The following HK3 variants were observed in gnomAD, a reference collection of about 807,000 sequenced individuals.
The protein encoded by HK3 is hexokinase 3.
In HK3, 93 loss-of-function variants were observed where a neutral mutation model predicts 91.0. That is an observed-to-expected ratio of 1.02 (90% CI 0.86 to 1.21). HK3 has a LOEUF of 1.21. HK3 is among the 50% of genes most tolerant of loss of function. The pLI, the probability that HK3 is intolerant of heterozygous loss-of-function variation, is 0.00. For synonymous variants in HK3, 519 were observed against 516.9 expected (o/e 1.00, Z -0.06); for missense variants, 1,235 against 1,247.4 (o/e 0.99, Z 0.15).
At position 176,881,682 on chromosome 5, in the gene HK3, C is replaced by T; in HGVS notation, c.2393+10G>A. On this transcript the variant is annotated intron_variant, in intron 17 of 18. Coordinates refer to ENST00000292432, the MANE Select transcript of HK3 (RefSeq NM_002115.3). ...CCTGAAGTGGGGGAGGCAATGTAGG[C>T]CTCAGGCACCTTTCGATCTCAGAGA... 1 of 1,613,948 alleles carries T rather than the reference C, an allele frequency of 6.2e-7. No homozygotes were observed. Among genetic ancestry groups the T allele is most frequent in the East Asian group, 2.2e-5 (1 of 44,880 alleles).
Position 176,888,772 on chromosome 5 carries a change from C to T in HK3, c.1007G>A (p.Cys336Tyr). The T allele has an allele frequency of 1.2e-6, 2 of 1,614,178 alleles. No homozygotes were observed. The highest frequency in any genetic ancestry group is 1.1e-5 in the South Asian group (1 of 91,084). ...TTGGCTCAGCAGGGCAGGGGAGGTGCAGCCACCAAAGAGGACCCCACACCG... is the reference window on the plus strand; with the variant it reads ...TTGGCTCAGCAGGGCAGGGGAGGTGTAGCCACCAAAGAGGACCCCACACCG... Reference protein sequence around the residue: ...LARCGVLFGGCTSPALLSQGS... With the variant: ...LARCGVLFGGYTSPALLSQGS... The change falls in exon 9 of 19, where the codon TGC becomes TAC. Residue 336 changes from cysteine to tyrosine, a missense_variant. Cys to Tyr is a radical substitution (Grantham distance 194, BLOSUM62 -2). Around this residue, in one of 3 missense-constraint regions of HK3, gnomAD observed 717 missense variants for 751.6 expected, o/e 0.95. Transcript: ENST00000292432.
Position 176,881,011 on chromosome 5 carries a change from G to A in HK3, c.*62C>T. ...GGTGGCTGGGCCTGGCTGGGAAACA[G>A]GCAGACCCCGACCCGGCTCCAGCAA... On this transcript the variant is annotated 3_prime_UTR_variant, in exon 19 of 19. Coordinates refer to ENST00000292432, the MANE Select transcript of HK3 (RefSeq NM_002115.3). 6.6e-7 allele frequency: 1 copy of A among 1,512,522 alleles called. No homozygotes were observed. The highest frequency in any genetic ancestry group is 2.3e-5 in the East Asian group (1 of 42,826). The allele number at this position is 1,512,522 out of a possible 1,614,324, so 93.7% of individuals were successfully genotyped here. A position where few individuals can be genotyped will look rare whatever the true frequency, so the allele number is the denominator to read the frequency against.
intron 2 of HK3, 140 bp from the exon 3 acceptor site, chr5:176,891,690 G>A (rs183903419): frequency 1.4e-4 from 113 of 816,042 alleles, no homozygotes; most frequent in African/African-American, 1.1e-3. Flanking sequence ...CCAACAGCCT[G>A]CACCCAGCTC....
In HK3 at chr5:176,881,062, T is replaced by C; in HGVS notation, c.*11A>G. ...GGCTGCGGCGGAGACCTCCTCAGCCTGGAGGTTTCCTCAGACACGAGTCAA... is the reference window on the plus strand; with the variant it reads ...GGCTGCGGCGGAGACCTCCTCAGCCCGGAGGTTTCCTCAGACACGAGTCAA... On this transcript the variant is annotated 3_prime_UTR_variant, in exon 19 of 19. Transcript: ENST00000292432. 6.3e-7 allele frequency: 1 copy of C among 1,591,982 alleles called. No individual in the cohort carries two copies.
intron 5 of HK3, 33 bp from the exon 6 acceptor site, chr5:176,890,763 CGGCCTTCATGG>C: frequency 6.2e-7 from 1 of 1,614,186 alleles, no homozygotes. Flanking sequence ...ACTCCTCTGA[CGGCCTTCATGG>C]GGCTGCAGCC....
Position 176,884,075 on chromosome 5 carries a change from G to A in HK3, c.1917C>T (p.Val639=), listed in dbSNP as rs749564871. Residue 639 remains valine, a synonymous_variant, in exon 14 of 19, where the codon GTC becomes GTT. Transcript: ENST00000292432. The surrounding 1 kb of genome is among the most constrained non-coding windows in gnomAD (Gnocchi z 4.1). ...TGATGGCTTCCCGCAACAGACTCAC[G>A]ACATCTTGGCCCTCGCAGTCTGATG... ...FKASDCEGQD[V]VSLLREAITR... The A allele has an allele frequency of 1.1e-4, 178 of 1,613,986 alleles. No individual in the cohort carries two copies. Among genetic ancestry groups the A allele is most frequent in the Non-Finnish European group, 1.3e-4 (150 of 1,180,032 alleles).
At chr5:176,883,580 G>T (rs1409613894) in intron 15 of HK3, among the ~76,000 whole-genome samples, 190 bp downstream of exon 15, 1 of 152,140 alleles carries the variant, frequency 6.6e-6, no homozygotes, top group African/African-American at 2.4e-5. Flanking sequence ...ATGACCATGA[G>T]TCAGTCACTG....
chr5:176,883,505 A>G (rs938829617), intron 15 of HK3, among the ~76,000 whole-genome samples: 12 of 152,146 alleles, frequency 7.9e-5, no homozygotes, highest in Admixed American at 5.2e-4. Context: ...TTCCACCCAA[A>G]TCTGTACAAC....
chr5:176,888,661 T>G, intron 9 of HK3, 48 bp downstream of exon 9: 1 of 1,613,242 alleles, frequency 6.2e-7, no homozygotes, highest in Non-Finnish European at 8.5e-7. Flanking sequence ...ATCATCCCCT[T>G]CCTCCAAGCC....
chr5:176,895,002 C>A (rs2149378303), intron 2 of HK3, among the ~76,000 whole-genome samples: 1 of 151,664 alleles, frequency 6.6e-6, no homozygotes, highest in South Asian at 2.1e-4. Flanking sequence ...TGGTCTTGAT[C>A]TCCTGACCTT....
Position 176,889,364 on chromosome 5 carries a change from G to T in HK3, c.914+17C>A. On this transcript the variant is annotated intron_variant, in intron 8 of 18. Transcript: ENST00000292432. The stretch of plus-strand genomic sequence containing the variant: ...ACAGGGCCTGGAACCAAAGGTCAGG[G>T]CCCCCTGCCAGGTCACCTCTGAGCA... 1 of 1,610,294 alleles carries T rather than the reference G, an allele frequency of 6.2e-7. No homozygotes were observed. Among genetic ancestry groups the T allele is most frequent in the Non-Finnish European group, 8.5e-7 (1 of 1,177,540 alleles).
At position 176,881,835 on chromosome 5, in the gene HK3, C is replaced by G; in HGVS notation, c.2250G>C (p.Met750Ile). ...TCTCCCCCAGGTACATGCCGCTGAT[C>G]ATCTTTTCAAACCTGCATGAACATG... is the stretch of plus-strand genomic sequence containing the variant. The part of the protein sequence containing the change: ...INPGKQRFEK[M>I]ISGMYLGEIV... Residue 750 changes from methionine to isoleucine, a missense_variant, in exon 17 of 19, where the codon ATG (methionine) becomes ATC (isoleucine). Met to Ile is a conservative substitution (Grantham distance 10). Around this residue, in one of 3 missense-constraint regions of HK3, gnomAD observed 513 missense variants for 477.4 expected, o/e 1.07. Transcript: ENST00000292432. 1 of 1,613,750 alleles carries G rather than the reference C, an allele frequency of 6.2e-7. No homozygotes were observed. The highest frequency in any genetic ancestry group is 8.5e-7 in the Non-Finnish European group (1 of 1,179,972).
intron 15 of HK3, among the ~76,000 whole-genome samples, chr5:176,883,124 G>T (rs145760261): frequency 3.3e-4 from 51 of 152,282 alleles, no homozygotes; most frequent in East Asian, 2.1e-3. Flanking sequence ...CTCTCTGACC[G>T]CTACGTGTTG....
At chr5:176,882,162 C>G (rs775033176) in intron 15 of HK3, 35 bp from the exon 16 acceptor site, 116 of 1,608,316 alleles carry the variant, frequency 7.2e-5, no homozygotes, top group Non-Finnish European at 9.5e-5. Context: ...AAGCTACTTA[C>G]TGATGTAGAC....
At chr5:176,881,562 A>C in intron 17 of HK3, 27 bp from the exon 18 acceptor site, 1 of 1,592,870 alleles carries the variant, frequency 6.3e-7, no homozygotes, top group Non-Finnish European at 8.5e-7. Context: ...AAGAGAGCAC[A>C]GGGAGGTGGG....
chr5:176,888,387 G>T lies in HK3; in HGVS notation c.1249C>A (p.Gln417Lys), dbSNP rs1275890157. ...LSCLQHSREQ[Q>K]TLQVAVATGG... Reference sequence around the variant, plus strand: ...GTGGCCACAGCAACCTGGAGTGTTTGTTGCTCCCGGCTGTGCTGGAGGCAG... The same window carrying T: ...GTGGCCACAGCAACCTGGAGTGTTTTTTGCTCCCGGCTGTGCTGGAGGCAG... Residue 417 changes from glutamine to lysine, a missense_variant, in exon 10 of 19, where the codon CAA becomes AAA. Coordinates refer to ENST00000292432, the MANE Select transcript of HK3 (RefSeq NM_002115.3). 4 of 1,563,278 alleles carry T rather than the reference G, an allele frequency of 2.6e-6. No individual in the cohort carries two copies. The highest frequency in any genetic ancestry group is 3.8e-5 in the Admixed American group (2 of 52,710).
In HK3 at chr5:176,889,730, G is replaced by A. The variant is rs751683654; in HGVS notation, c.645C>T (p.Asp215=). ...AIRRQGAYNI[D]VVAVVNDTVG... ...CTGTGTCGTTCACCACAGCAACCACGTCGATGTTGTAGGCCTAGATGATGA... is the reference window on the plus strand; with the variant it reads ...CTGTGTCGTTCACCACAGCAACCACATCGATGTTGTAGGCCTAGATGATGA... The change falls in exon 7 of 19, where the codon GAC becomes GAT. Residue 215 remains aspartate, a synonymous_variant. Transcript: ENST00000292432. 4 of 1,613,924 alleles carry A rather than the reference G, an allele frequency of 2.5e-6. No individual in the cohort carries two copies. Among genetic ancestry groups the A allele is most frequent in the East Asian group, 2.2e-5 (1 of 44,892 alleles).
chr5:176,893,619 A>C (rs944907729), intron 2 of HK3, among the ~76,000 whole-genome samples: 3 of 152,234 alleles, frequency 2.0e-5, no homozygotes, highest in Non-Finnish European at 4.4e-5. Flanking sequence ...GGAAGTGCCA[A>C]GTGCCATTGG....
chr5:176,896,794 C>G (rs941562656), intron 1 of HK3, among the ~76,000 whole-genome samples: 1 of 152,126 alleles, frequency 6.6e-6, no homozygotes, highest in Non-Finnish European at 1.5e-5. Context: ...AGTGACCTGA[C>G]CTTGGACGTC....
Sources: allele counts gnomAD v4.1 joint callset (sites outside exome capture counted in the v4.1 genomes callset), GRCh38; gene constraint gnomAD v4.1.1; regional missense constraint gnomAD v4.1.1; non-coding constraint Gnocchi (gnomAD v3.1); transcripts MANE v1.5; gene names NCBI Gene and HGNC (gene_info 2026-07-23, HGNC 2026-07-21).